The following CDH18 variants were observed in gnomAD, a reference collection of about 807,000 sequenced individuals.
CDH18 encodes cadherin-18.
Under a neutral mutation model 67.9 loss-of-function variants are expected in CDH18, and 31 were observed. The observed-to-expected ratio is 0.46, with a 90% CI of 0.34 to 0.62. The LOEUF (loss-of-function observed/expected upper bound fraction) is 0.62. Among genes scored for constraint, CDH18 ranks in the 20% least tolerant of loss-of-function variants. CDH18 has a pLI of 0.01. For synonymous variants in CDH18, 362 were observed against 347.2 expected, an observed-to-expected ratio of 1.04 and a Z score of -0.48; for missense variants, 890 against 975.5, an observed-to-expected ratio of 0.91 and a Z score of 1.17.
At chr5:19,514,820 T>G (rs1745702234) in intron 10 of CDH18, among the ~76,000 whole-genome samples, 1 of 152,240 alleles carries the variant, frequency 6.6e-6, no homozygotes, top group Admixed American at 6.5e-5. Context: ...GATGGTAGTT[T>G]CTTTTGCTGT....
At chr5:19,779,171 C>T (rs62353620) in intron 3 of CDH18, among the ~76,000 whole-genome samples, 8,964 of 152,028 alleles carry the variant, frequency 0.059, 330 homozygotes, top group Non-Finnish European at 0.081. Context: ...ATAATCTGAT[C>T]GAGGTAGGAC....
intron 1 of CDH18, among the ~76,000 whole-genome samples, chr5:20,340,294 T>A (rs897591629): frequency 1.3e-5 from 2 of 152,100 alleles, no homozygotes; most frequent in Admixed American, 6.5e-5. Context: ...TAGGACCAGA[T>A]AACACCTTAT....
chr5:19,923,872 G>T (rs140785328), intron 2 of CDH18, among the ~76,000 whole-genome samples: 135 of 152,280 alleles, frequency 8.9e-4, no homozygotes, highest in East Asian at 1.7e-3. Context: ...TCTGACAACT[G>T]CCTAAAGCTG....
intron 1 of CDH18, among the ~76,000 whole-genome samples, chr5:20,438,741 AGATT>A (rs781657318): frequency 2.6e-5 from 4 of 151,382 alleles, no homozygotes; most frequent in Non-Finnish European, 4.4e-5. Context: ...CTATTGCTCT[AGATT>A]GATTATCTCC....
chr5:20,149,664 G>A (rs1193964109), intron 2 of CDH18, among the ~76,000 whole-genome samples: 1 of 152,120 alleles, frequency 6.6e-6, no homozygotes, highest in Non-Finnish European at 1.5e-5. Flanking sequence ...TGGTCATGCA[G>A]ACACATTATT....
At chr5:19,959,739 G>A (rs1463309880) in intron 2 of CDH18, among the ~76,000 whole-genome samples, 1 of 152,152 alleles carries the variant, frequency 6.6e-6, no homozygotes, top group Admixed American at 6.6e-5. Context: ...AATGTGTTCT[G>A]AGAAATACAC....
chr5:20,399,228 T>C (rs1018325554), intron 1 of CDH18, among the ~76,000 whole-genome samples: 32 of 152,186 alleles, frequency 2.1e-4, no homozygotes, highest in Admixed American at 1.8e-3. Flanking sequence ...AGTGTTTCTG[T>C]TTACTCTTCT....
intron 3 of CDH18, among the ~76,000 whole-genome samples, chr5:19,814,451 G>C (rs1411982878): frequency 2.0e-5 from 3 of 151,766 alleles, no homozygotes; most frequent in Admixed American, 2.0e-4. Flanking sequence ...TTGCAATTTT[G>C]GACTGGATGA....
intron 3 of CDH18, among the ~76,000 whole-genome samples, chr5:19,796,494 A>T (rs1409054024): frequency 1.3e-5 from 2 of 152,140 alleles, no homozygotes. Context: ...CTCTTCAAGA[A>T]TGAAGGAAAA....
chr5:20,506,286 C>T (rs990389970), intron 1 of CDH18, among the ~76,000 whole-genome samples: 1 of 152,166 alleles, frequency 6.6e-6, no homozygotes, highest in African/African-American at 2.4e-5. Flanking sequence ...ATAGAAAAAA[C>T]ATGTGGGGTG....
chr5:20,455,297 G>T (rs548409613), intron 1 of CDH18, among the ~76,000 whole-genome samples: 1 of 152,146 alleles, frequency 6.6e-6, no homozygotes, highest in Non-Finnish European at 1.5e-5. Context: ...TAAGGAAAGG[G>T]CATGTTCAGA....
intron 2 of CDH18, among the ~76,000 whole-genome samples, chr5:20,207,413 C>A (rs1006510584): frequency 3.3e-5 from 5 of 151,802 alleles, no homozygotes; most frequent in African/African-American, 1.2e-4. Flanking sequence ...CTGTATTAGT[C>A]CATTTTCATG....
chr5:20,044,086 G>A (rs1419488603), intron 2 of CDH18, among the ~76,000 whole-genome samples: 1 of 151,998 alleles, frequency 6.6e-6, no homozygotes, highest in South Asian at 2.1e-4. Context: ...TAGTATATTA[G>A]TAAATACATA....
chr5:19,924,935 G>T (rs2150180408), intron 2 of CDH18, among the ~76,000 whole-genome samples: 1 of 152,236 alleles, frequency 6.6e-6, no homozygotes, highest in Admixed American at 6.5e-5. Context: ...CTTGAACAAG[G>T]CAGGGATTGG....
chr5:19,806,293 G>A (rs78229526), intron 3 of CDH18, among the ~76,000 whole-genome samples: 136 of 152,266 alleles, frequency 8.9e-4, no homozygotes, highest in East Asian at 2.7e-3. Context: ...TCAGCACTGT[G>A]ATACAATTAT....
At chr5:19,862,931 C>G (rs1344963667) in intron 2 of CDH18, among the ~76,000 whole-genome samples, 3 of 152,050 alleles carry the variant, frequency 2.0e-5, no homozygotes, top group Non-Finnish European at 4.4e-5. Flanking sequence ...CTGGCAAGGT[C>G]ACATGAGAGA....
At chr5:20,508,712 G>A (rs1754816288) in intron 1 of CDH18, among the ~76,000 whole-genome samples, 1 of 151,968 alleles carries the variant, frequency 6.6e-6, no homozygotes, top group Non-Finnish European at 1.5e-5. Context: ...TCACAGTAGT[G>A]ATCTTAGGTG....
In CDH18 at chr5:20,325,544, C is replaced by T. The variant is rs574459398; in HGVS notation, c.-579-70039G>A. Among the ~76,000 whole-genome samples the T allele has an allele frequency of 1.1e-3, 166 of 152,258 alleles. 3 individuals are homozygous for T. Among genetic ancestry groups the T allele is most frequent in the African/African-American group, 3.9e-3 (163 of 41,550 alleles). ...TGACCCTATGACCGCACCCTTCCGC[C>T]ACCCATCCCTCATTCTTAGGGATCT... On this transcript the variant is annotated intron_variant, in intron 1 of 14. Transcript: ENST00000507958.
chr5:19,678,530 G>A (rs555293029), intron 5 of CDH18, among the ~76,000 whole-genome samples: 125 of 151,952 alleles, frequency 8.2e-4, no homozygotes, highest in Non-Finnish European at 1.6e-3. Context: ...CAAAGAGCTA[G>A]AAAGATCTCA....
Sources: gnomAD v4.1 joint callset for allele counts (sites outside exome capture counted in the v4.1 genomes callset) on GRCh38, gnomAD v4.1.1 for gene constraint, MANE v1.5 for transcripts, NCBI Gene and HGNC (gene_info 2026-07-23, HGNC 2026-07-21) for gene names.